Variants in RNF125 observed in about 807,000 individuals in gnomAD.
The protein encoded by RNF125 is E3 ubiquitin-protein ligase RNF125.
In RNF125, 21 loss-of-function variants were observed where a neutral mutation model predicts 26.0. The ratio of observed to expected loss-of-function variants is 0.81; its 90% CI spans 0.57 to 1.16. The LOEUF is 1.16. Ranked by LOEUF, RNF125 falls within the 50% of genes most tolerant of loss-of-function variation. The pLI is 0.00. For synonymous variants in RNF125, 95 were observed against 109.2 expected (o/e 0.87, Z 0.81); for missense variants, 270 against 299.4 (o/e 0.90, Z 0.72).
intron 2 of RNF125, among the ~76,000 whole-genome samples, chr18:32,038,499 C>A (rs879727099): frequency 2.6e-5 from 4 of 152,202 alleles, no homozygotes; most frequent in Non-Finnish European, 5.9e-5. Context: ...TCCTCCAGTT[C>A]TGCTACTCTG....
intron 4 of RNF125, among the ~76,000 whole-genome samples, chr18:32,051,337 C>G (rs2039324981): frequency 6.6e-6 from 1 of 151,984 alleles, no homozygotes; most frequent in African/African-American, 2.4e-5. Context: ...GAAAGACAGG[C>G]TGGGCGCGGT....
At position 32,068,732 on chromosome 18, in the gene RNF125, T is replaced by A; in HGVS notation, c.*348T>A. On this transcript the variant is annotated 3_prime_UTR_variant, in exon 6 of 6. Coordinates refer to ENST00000217740, the MANE Select transcript of RNF125 (RefSeq NM_017831.4). ...TACATATCAATAACTACCATCATGGTTAGGCACGATAACTAATCTTTGTTC... is the reference window on the plus strand; with the variant it reads ...TACATATCAATAACTACCATCATGGATAGGCACGATAACTAATCTTTGTTC... 5.7e-6 allele frequency: 1 copy of A among 176,886 alleles called. No homozygotes were observed. The highest frequency in any genetic ancestry group is 1.2e-5 in the Non-Finnish European group (1 of 83,834). The allele number at this position is 176,886 out of a possible 1,614,324, so 11.0% of individuals were successfully genotyped here.
chr18:32,071,868 T>C lies in RNF125; in HGVS notation c.*3484T>C, dbSNP rs1346474420. On this transcript the variant is annotated 3_prime_UTR_variant, in exon 6 of 6. Transcript: ENST00000217740. ...TTTTAGTTCCACAACCTCTCTTTCTTCAATTTAGATGGATCATACAATAAA... is the reference window on the plus strand; with the variant it reads ...TTTTAGTTCCACAACCTCTCTTTCTCCAATTTAGATGGATCATACAATAAA... The C allele has an allele frequency of 1.3e-5, 2 of 152,198 alleles. No homozygotes were observed. Among genetic ancestry groups the C allele is most frequent in the Non-Finnish European group, 2.9e-5 (2 of 68,032 alleles). 9.4% of individuals were successfully genotyped at this position (152,198 alleles called of 1,614,324 possible). A position where few individuals can be genotyped will look rare whatever the true frequency, so the allele number is the denominator to read the frequency against.
intron 2 of RNF125, among the ~76,000 whole-genome samples, chr18:32,039,724 C>A (rs1432365919): frequency 6.6e-6 from 1 of 151,816 alleles, no homozygotes; most frequent in East Asian, 1.9e-4. Flanking sequence ...CACCACTCCC[C>A]CTCCCCCATT....
At chr18:32,047,377 T>G (rs1404231133) in intron 4 of RNF125, among the ~76,000 whole-genome samples, 2 of 152,178 alleles carry the variant, frequency 1.3e-5, no homozygotes, top group African/African-American at 4.8e-5. Flanking sequence ...TTCATATTCT[T>G]GTATGCTTAA....
chr18:32,032,533 A>AT (rs915073433), intron 1 of RNF125, among the ~76,000 whole-genome samples: 10 of 151,858 alleles, frequency 6.6e-5, no homozygotes, highest in East Asian at 1.9e-4. Context: ...TATTTATGTG[A>AT]TTTTTTTCCC....
chr18:32,087,454 C>T, the RNF125 span, among the ~76,000 whole-genome samples: 1 of 151,652 alleles, frequency 6.6e-6, no homozygotes, highest in Non-Finnish European at 1.5e-5. Flanking sequence ...AACTGGGCCC[C>T]CAACCTGTGG....
rs746152936 is a variant in RNF125, at chr18:32,019,013, C to G, written c.150C>G (p.Thr50=). Residue 50 remains threonine, a synonymous_variant, in exon 1 of 6, where the codon ACC becomes ACG. Transcript: ENST00000217740. ...CLEVLHQPVR[T]RCGHVFCRSC... ...AGGTGTTACACCAGCCTGTCCGGACCCGCTGTGGCCACGTGTAAGTTCCAG... is the reference window on the plus strand; with the variant it reads ...AGGTGTTACACCAGCCTGTCCGGACGCGCTGTGGCCACGTGTAAGTTCCAG... The G allele has an allele frequency of 1.2e-6, 2 of 1,612,808 alleles. No homozygotes were observed.
the RNF125 span, among the ~76,000 whole-genome samples, chr18:32,082,926 C>G: frequency 6.6e-6 from 1 of 152,178 alleles, no homozygotes; most frequent in Non-Finnish European, 1.5e-5. Context: ...GTAGTCTCCT[C>G]TAATGTCCTT....
chr18:32,051,201 T>C (rs1261393782), intron 4 of RNF125, among the ~76,000 whole-genome samples: 2 of 152,166 alleles, frequency 1.3e-5, no homozygotes, highest in Non-Finnish European at 2.9e-5. Context: ...TGTCTGTCTC[T>C]CCCTCTAATT....
At chr18:32,048,717 G>T (rs2039296798) in intron 4 of RNF125, among the ~76,000 whole-genome samples, 1 of 152,176 alleles carries the variant, frequency 6.6e-6, no homozygotes, top group Non-Finnish European at 1.5e-5. Flanking sequence ...GGCCTAGGGA[G>T]TTGGCAATTG....
chr18:32,039,137 C>G (rs754790547), intron 2 of RNF125, among the ~76,000 whole-genome samples: 4 of 151,490 alleles, frequency 2.6e-5, no homozygotes, highest in Admixed American at 6.6e-5. Flanking sequence ...CGCAGTGGCT[C>G]ATGCCTGTAA....
At chr18:32,068,230 A>G in intron 5 of RNF125, 68 bp from the exon 6 acceptor site, 1 of 838,446 alleles carries the variant, frequency 1.2e-6, no homozygotes, top group Non-Finnish European at 2.0e-6. Context: ...TGTTGCATTG[A>G]CCCTCATCCT....
chr18:32,056,808 T>C (rs761715760), intron 4 of RNF125, among the ~76,000 whole-genome samples: 27 of 152,322 alleles, frequency 1.8e-4, no homozygotes, highest in Middle Eastern at 6.8e-3. Flanking sequence ...TGCACTTGGC[T>C]TTATGCCAAC....
At chr18:32,032,126 G>T (rs1017426054) in intron 1 of RNF125, among the ~76,000 whole-genome samples, 2 of 152,112 alleles carry the variant, frequency 1.3e-5, no homozygotes, top group African/African-American at 4.8e-5. Context: ...ACCCAGGCTG[G>T]AGTGCAGTGG....
Position 32,033,767 on chromosome 18 carries a change from C to T in RNF125, c.165-3349C>T, listed in dbSNP as rs114457365. 5.3e-3 allele frequency among the ~76,000 whole-genome samples: 759 copies of T among 143,374 alleles called. 6 individuals carry two copies. Among genetic ancestry groups the T allele is most frequent in the African/African-American group, 0.019 (737 of 38,666 alleles). 94.1% of individuals were successfully genotyped at this position (143,374 alleles called of 152,430 possible). On this transcript the variant is annotated intron_variant, in intron 1 of 5. Transcript: ENST00000217740. ...CTGGGAGGTGGAGGTCGCGGTGAGTCAAGATCTTGCCATTGCACTCCAGCC... is the reference window on the plus strand; with the variant it reads ...CTGGGAGGTGGAGGTCGCGGTGAGTTAAGATCTTGCCATTGCACTCCAGCC...
chr18:32,049,396 TA>T (rs1178234842), intron 4 of RNF125, among the ~76,000 whole-genome samples: 1 of 152,162 alleles, frequency 6.6e-6, no homozygotes, highest in Non-Finnish European at 1.5e-5. Context: ...TTTTCACAAG[TA>T]GTAAATGAAT....
intron 4 of RNF125, among the ~76,000 whole-genome samples, chr18:32,050,106 T>G (rs10502581): frequency 0.092 from 13,948 of 152,172 alleles, 2,092 homozygotes; most frequent in African/African-American, 0.32. Context: ...TTTCCTGGCA[T>G]TTAGAGATTT....
At chr18:32,047,263 C>T (rs1009709064) in intron 4 of RNF125, among the ~76,000 whole-genome samples, 28 of 152,290 alleles carry the variant, frequency 1.8e-4, no homozygotes, top group African/African-American at 6.7e-4. Context: ...TGGTCTCGAT[C>T]TTCTGACCTT....
Sources: allele counts gnomAD v4.1 joint callset (sites outside exome capture counted in the v4.1 genomes callset), GRCh38; gene constraint gnomAD v4.1.1; transcripts MANE v1.5; gene names NCBI Gene and HGNC (gene_info 2026-07-23, HGNC 2026-07-21).